Variants in UBE2E1 observed in about 807,000 individuals in gnomAD.
The protein encoded by UBE2E1 is ubiquitin-conjugating enzyme E2 E1.
UBE2E1 carries 6 observed loss-of-function variants against 21.4 expected under a neutral mutation model. The observed-to-expected ratio is 0.28, with a 90% CI of 0.15 to 0.55. The LOEUF (loss-of-function observed/expected upper bound fraction) is 0.55. Among genes scored for constraint, UBE2E1 ranks in the 20% least tolerant of loss-of-function variants. The probability of loss-of-function intolerance (pLI) is 0.93; values close to 1 mark genes in which losing one functional copy is unlikely to be tolerated. For missense variants in UBE2E1, 142 were observed against 236.5 expected, an observed-to-expected ratio of 0.60 and a Z score of 2.62; for synonymous variants, 87 against 82.7, an observed-to-expected ratio of 1.05 and a Z score of -0.28.
intron 3 of UBE2E1, among the ~76,000 whole-genome samples, chr3:23,860,340 A>G (rs1220033364): frequency 6.6e-6 from 1 of 152,100 alleles, no homozygotes; most frequent in African/African-American, 2.4e-5. Context: ...CTCTGGTTTT[A>G]CCTTTTTAGC....
chr3:23,848,258 C>T (rs1700249609), intron 3 of UBE2E1, among the ~76,000 whole-genome samples: 1 of 152,164 alleles, frequency 6.6e-6, no homozygotes. Flanking sequence ...CACTTGAGGT[C>T]AGGAGTTTGA....
intron 3 of UBE2E1, among the ~76,000 whole-genome samples, chr3:23,826,828 C>T (rs1015889656): frequency 6.6e-6 from 1 of 152,084 alleles, no homozygotes; most frequent in Non-Finnish European, 1.5e-5. Context: ...CATTCCTACA[C>T]GTGTATTTTA....
intron 3 of UBE2E1, among the ~76,000 whole-genome samples, chr3:23,840,740 A>G (rs750868048): frequency 1.3e-4 from 20 of 152,178 alleles, no homozygotes; most frequent in Non-Finnish European, 2.8e-4. Flanking sequence ...ATTCATGCTT[A>G]GGTAAATACT....
Position 23,823,122 on chromosome 3 carries a change from G to C in UBE2E1, c.203+11612G>C, listed in dbSNP as rs1286950764. 6.6e-6 allele frequency among the ~76,000 whole-genome samples: 1 copy of C among 152,206 alleles called. No homozygotes were observed. The highest frequency in any genetic ancestry group is 2.4e-5 in the African/African-American group (1 of 41,450). On this transcript the variant is annotated intron_variant, in intron 3 of 5. Coordinates refer to ENST00000306627, the MANE Select transcript of UBE2E1 (RefSeq NM_003341.5). This position sits in a 1 kb window ranked among gnomAD's most constrained non-coding sequence, Gnocchi z 4.2. ...GGCCTCCCAAAGTGCTGGGATTACA[G>C]GCATGAGCCTCTGCGCCCATCCTGT...
intron 3 of UBE2E1, among the ~76,000 whole-genome samples, chr3:23,882,397 C>A (rs1701066854): frequency 6.6e-6 from 1 of 152,268 alleles, no homozygotes; most frequent in Non-Finnish European, 1.5e-5. Flanking sequence ...CTGATTGGTA[C>A]ATTTACAATC....
intron 3 of UBE2E1, among the ~76,000 whole-genome samples, chr3:23,885,653 G>A (rs1277489609): frequency 1.3e-5 from 2 of 152,028 alleles, no homozygotes; most frequent in Non-Finnish European, 2.9e-5. Flanking sequence ...CTGAGGTCGG[G>A]AGTTCAAGAC....
intron 3 of UBE2E1, among the ~76,000 whole-genome samples, chr3:23,829,257 G>A (rs1699817633): frequency 1.3e-5 from 2 of 151,096 alleles, no homozygotes; most frequent in Admixed American, 1.3e-4. Context: ...AACTCCTGGG[G>A]TCAAGCGATC....
chr3:23,867,596 G>A (rs1411186286), intron 3 of UBE2E1, among the ~76,000 whole-genome samples: 1 of 152,188 alleles, frequency 6.6e-6, no homozygotes, highest in Non-Finnish European at 1.5e-5. Context: ...AGTTTCTCCT[G>A]TGTGGGCTCT....
Position 23,816,749 on chromosome 3 carries a change from A to G in UBE2E1, c.203+5239A>G, listed in dbSNP as rs1174405000. 3.3e-5 allele frequency among the ~76,000 whole-genome samples: 5 copies of G among 152,192 alleles called. No homozygotes were observed. The highest frequency in any genetic ancestry group is 7.2e-5 in the African/African-American group (3 of 41,442). On this transcript the variant is annotated intron_variant, in intron 3 of 5. Transcript: ENST00000306627. The surrounding 1 kb of genome is among the most constrained non-coding windows in gnomAD (Gnocchi z 4.8). ...TAAGTGAAATAAACTAGAACCAAAA[A>G]GACAAATAGCGTATGATTCCACTTA... is the stretch of plus-strand genomic sequence containing the variant.
intron 3 of UBE2E1, among the ~76,000 whole-genome samples, chr3:23,837,683 G>T (rs1232254042): frequency 2.0e-5 from 3 of 152,198 alleles, no homozygotes; most frequent in Non-Finnish European, 4.4e-5. Flanking sequence ...GTTTTTCTTT[G>T]GTTGGCTGAT....
chr3:23,835,727 C>T (rs1699962860), intron 3 of UBE2E1, among the ~76,000 whole-genome samples: 1 of 152,154 alleles, frequency 6.6e-6, no homozygotes, highest in Admixed American at 6.5e-5. Flanking sequence ...CTCCCCTCCT[C>T]CCCCCTTTTT....
intron 3 of UBE2E1, among the ~76,000 whole-genome samples, chr3:23,851,803 A>G (rs1333298388): frequency 6.6e-6 from 1 of 152,156 alleles, no homozygotes; most frequent in Non-Finnish European, 1.5e-5. Context: ...AAAAATAAAA[A>G]AAAAATTAAA....
chr3:23,830,415 A>G (rs1440522669), intron 3 of UBE2E1, among the ~76,000 whole-genome samples: 1 of 121,410 alleles, frequency 8.2e-6, no homozygotes, highest in Non-Finnish European at 1.8e-5. Context: ...GAGTGGGTTC[A>G]TTTTTTTGTT....
At chr3:23,819,791 A>G (rs2125285874) in intron 3 of UBE2E1, among the ~76,000 whole-genome samples, 1 of 152,306 alleles carries the variant, frequency 6.6e-6, no homozygotes, top group East Asian at 1.9e-4. Context: ...GGCAATTTTG[A>G]CCTTCCTGCA....
chr3:23,824,242 C>A (rs919320011), intron 3 of UBE2E1, among the ~76,000 whole-genome samples: 3 of 152,112 alleles, frequency 2.0e-5, no homozygotes, highest in African/African-American at 7.2e-5. Context: ...GGAGCCCAGA[C>A]TTATTTGTTA....
intron 3 of UBE2E1, among the ~76,000 whole-genome samples, chr3:23,879,981 C>T (rs773020935): frequency 6.6e-6 from 1 of 152,236 alleles, no homozygotes; most frequent in African/African-American, 2.4e-5. Flanking sequence ...CACAGTGGCT[C>T]ACGCCTGTGA....
At chr3:23,840,370 C>CT (rs1700060278) in intron 3 of UBE2E1, among the ~76,000 whole-genome samples, 2 of 152,100 alleles carry the variant, frequency 1.3e-5, no homozygotes, top group Admixed American at 6.6e-5. Flanking sequence ...TGAATTTTGC[C>CT]TTTTTGAGTG....
chr3:23,885,085 G>A (rs1444682666), intron 3 of UBE2E1, among the ~76,000 whole-genome samples: 1 of 152,222 alleles, frequency 6.6e-6, no homozygotes, highest in Non-Finnish European at 1.5e-5. Flanking sequence ...CTAGAAATAT[G>A]AGATCAAGGT....
chr3:23,845,302 T>C (rs1195692348), intron 3 of UBE2E1, among the ~76,000 whole-genome samples: 1 of 152,210 alleles, frequency 6.6e-6, no homozygotes, highest in Non-Finnish European at 1.5e-5. Flanking sequence ...CATTGCACAC[T>C]CTTCAGGAGT....
Sources: gnomAD v4.1 joint callset for allele counts (sites outside exome capture counted in the v4.1 genomes callset) on GRCh38, gnomAD v4.1.1 for gene constraint, Gnocchi (gnomAD v3.1) non-coding constraint, MANE v1.5 for transcripts, NCBI Gene and HGNC (gene_info 2026-07-23, HGNC 2026-07-21) for gene names.